RPS6KA2: variants seen among roughly 807,000 people sequenced by gnomAD.
RPS6KA2 encodes ribosomal protein S6 kinase A2.
A neutral mutation model predicts 91.8 loss-of-function variants in RPS6KA2; 42 were observed. That is an observed-to-expected ratio of 0.46 (90% CI 0.36 to 0.59). The LOEUF is 0.59. Ranked by LOEUF, RPS6KA2 falls within the 20% of genes least tolerant of loss-of-function variation. The pLI is 0.00. For missense variants in RPS6KA2, 798 were observed against 978.5 expected, an observed-to-expected ratio of 0.82 and a Z score of 2.46; for synonymous variants, 414 against 393.6, an observed-to-expected ratio of 1.05 and a Z score of -0.61.
intron 2 of RPS6KA2, among the ~76,000 whole-genome samples, chr6:166,811,861 C>T (rs1039341987): frequency 2.4e-4 from 36 of 152,200 alleles, no homozygotes; most frequent in African/African-American, 8.7e-4. Flanking sequence ...TTAAAATTCA[C>T]TTAACAAGAA....
At chr6:166,571,758 C>T (rs555093144) in intron 1 of RPS6KA2, among the ~76,000 whole-genome samples, 16 of 151,568 alleles carry the variant, frequency 1.1e-4, no homozygotes, top group Middle Eastern at 6.8e-3. Flanking sequence ...AGCGTGGTGA[C>T]GACTTGCTGA....
intron 2 of RPS6KA2, among the ~76,000 whole-genome samples, chr6:166,723,902 G>A (rs1790261201): frequency 1.3e-5 from 2 of 152,030 alleles, no homozygotes; most frequent in Admixed American, 1.3e-4. Context: ...GTTTCTCCAT[G>A]TTGGCCAGGC....
intron 2 of RPS6KA2, among the ~76,000 whole-genome samples, chr6:166,641,651 C>T (rs756544476): frequency 3.4e-5 from 4 of 116,664 alleles, no homozygotes; most frequent in East Asian, 2.9e-4. Context: ...ACCTGGGAGG[C>T]GGGGGGTGCA....
intron 2 of RPS6KA2, among the ~76,000 whole-genome samples, chr6:166,534,435 G>A (rs1047029718): frequency 2.6e-5 from 4 of 151,952 alleles, no homozygotes; most frequent in African/African-American, 9.7e-5. Context: ...GTGTTTGGAC[G>A]GTGCAGCCTT....
At chr6:166,556,600 A>C (rs1562577395) in intron 1 of RPS6KA2, among the ~76,000 whole-genome samples, 1 of 152,236 alleles carries the variant, frequency 6.6e-6, no homozygotes, top group African/African-American at 2.4e-5. Flanking sequence ...GTCATGCTGG[A>C]ATAGACTCAA....
chr6:166,474,225 G>A (rs951206525), intron 10 of RPS6KA2, among the ~76,000 whole-genome samples: 2 of 152,170 alleles, frequency 1.3e-5, no homozygotes, highest in African/African-American at 2.4e-5. Context: ...TAGAAACTGG[G>A]ATGAGGATCA....
intron 14 of RPS6KA2, among the ~76,000 whole-genome samples, chr6:166,438,130 T>C (rs977435232): frequency 6.6e-6 from 1 of 152,146 alleles, no homozygotes; most frequent in African/African-American, 2.4e-5. Context: ...ACAGACACCT[T>C]CTCCTGTAAA....
intron 2 of RPS6KA2, among the ~76,000 whole-genome samples, chr6:166,806,811 G>C (rs1194477037): frequency 6.6e-6 from 1 of 151,994 alleles, no homozygotes; most frequent in Non-Finnish European, 1.5e-5. Flanking sequence ...AAAAAAATTA[G>C]TTTATGTTTT....
Position 166,494,967 on chromosome 6 carries a change from C to T in RPS6KA2, c.747+3541G>A, listed in dbSNP as rs1948827643. 6.6e-6 allele frequency among the ~76,000 whole-genome samples: 1 copy of T among 152,218 alleles called. No homozygotes were observed. The highest frequency in any genetic ancestry group is 2.1e-4 in the South Asian group (1 of 4,832). On this transcript the variant is annotated intron_variant, in intron 8 of 20. Coordinates refer to ENST00000265678, the MANE Select transcript of RPS6KA2 (RefSeq NM_021135.6). The surrounding 1 kb of genome is among the most constrained non-coding windows in gnomAD (Gnocchi z 5.1). ...TTCAAAGGTCACCCGAGGCCCATCT[C>T]TTAGCTGCAAATGAGAATTCAGAAG... is the stretch of plus-strand genomic sequence containing the variant.
At chr6:166,442,644 G>A (rs1019807066) in intron 14 of RPS6KA2, among the ~76,000 whole-genome samples, 3 of 152,152 alleles carry the variant, frequency 2.0e-5, no homozygotes, top group African/African-American at 7.2e-5. Flanking sequence ...CAGTTCTCGG[G>A]CAGTTTCCTC....
At chr6:166,826,986 C>G (rs748721950) in intron 2 of RPS6KA2, among the ~76,000 whole-genome samples, 1 of 152,096 alleles carries the variant, frequency 6.6e-6, no homozygotes, top group African/African-American at 2.4e-5. Flanking sequence ...AACATAGAAG[C>G]AGAGAGTAGA....
intron 11 of RPS6KA2, chr6:166,465,239 T>C (rs570314136): frequency 3.5e-4 from 53 of 152,296 alleles, no homozygotes; most frequent in African/African-American, 1.1e-3. Flanking sequence ...TGAACTGTGG[T>C]TTTCAGTTTT....
chr6:166,853,926 G>C (rs1366542591), intron 2 of RPS6KA2, among the ~76,000 whole-genome samples: 1 of 152,194 alleles, frequency 6.6e-6, no homozygotes, highest in Non-Finnish European at 1.5e-5. Context: ...CCAGGGCCTC[G>C]CCTGCTCACA....
intron 2 of RPS6KA2, among the ~76,000 whole-genome samples, chr6:166,815,728 C>T (rs1438150942): frequency 6.6e-6 from 1 of 152,000 alleles, no homozygotes; most frequent in Non-Finnish European, 1.5e-5. Flanking sequence ...GAGGAAGAGA[C>T]AATAAAAGGA....
chr6:166,652,689 G>T (rs997710677), intron 2 of RPS6KA2, among the ~76,000 whole-genome samples: 7 of 152,154 alleles, frequency 4.6e-5, no homozygotes, highest in Non-Finnish European at 7.4e-5. Flanking sequence ...GGTTCCCCCA[G>T]CTAGGCGAGA....
At chr6:166,669,232 T>G (rs7756846) in intron 2 of RPS6KA2, among the ~76,000 whole-genome samples, 27,289 of 152,048 alleles carry the variant, frequency 0.18, 2,470 homozygotes, top group South Asian at 0.23. Context: ...GACAGGAATA[T>G]GAGGCAGAGC....
At position 166,457,604 on chromosome 6, in the gene RPS6KA2, G is replaced by A. The variant is rs534686323; in HGVS notation, c.1075+1845C>T. On this transcript the variant is annotated intron_variant, in intron 12 of 20. Coordinates refer to ENST00000265678, the MANE Select transcript of RPS6KA2 (RefSeq NM_021135.6). Reference sequence around the variant, plus strand: ...ACCCAAAAGAAGTAACTGAGCAGCCGGTGGCATGACTCCCTGGTTTACAGT... The same window carrying A: ...ACCCAAAAGAAGTAACTGAGCAGCCAGTGGCATGACTCCCTGGTTTACAGT... Among the ~76,000 whole-genome samples, 12 of 152,206 alleles carry A rather than the reference G, an allele frequency of 7.9e-5. No individual in the cohort carries two copies. In the South Asian group the frequency reaches 1.9e-3, roughly 24 times the overall value.
intron 1 of RPS6KA2, among the ~76,000 whole-genome samples, chr6:166,608,120 T>C (rs1380241424): frequency 6.6e-6 from 1 of 152,196 alleles, no homozygotes; most frequent in African/African-American, 2.4e-5. Flanking sequence ...GCTTTCATTC[T>C]GAGTCCATAC....
intron 2 of RPS6KA2, among the ~76,000 whole-genome samples, chr6:166,804,948 A>G (rs1314352387): frequency 6.6e-6 from 1 of 152,224 alleles, no homozygotes; most frequent in Non-Finnish European, 1.5e-5. Context: ...AGGCAGCAGG[A>G]TTACACTTTT....
Sources: gnomAD v4.1 joint callset for allele counts (sites outside exome capture counted in the v4.1 genomes callset) on GRCh38, gnomAD v4.1.1 for gene constraint, Gnocchi (gnomAD v3.1) non-coding constraint, MANE v1.5 for transcripts, NCBI Gene and HGNC (gene_info 2026-07-23, HGNC 2026-07-21) for gene names.